Variants in TUT1 observed in about 807,000 individuals in gnomAD.
TUT1 encodes the protein terminal uridylyl transferase 1, U6 snRNA-specific, also known as speckle targeted PIP5K1A-regulated poly(A) polymerase.
In TUT1, 26 loss-of-function variants were observed where a neutral mutation model predicts 48.8. That is an observed-to-expected ratio of 0.53 (90% CI 0.39 to 0.74). The LOEUF is 0.74. Among genes scored for constraint, TUT1 ranks in the 30% least tolerant of loss-of-function variants. TUT1 has a pLI of 0.00. For synonymous variants in TUT1, 470 were observed against 460.8 expected (o/e 1.02, Z -0.26); for missense variants, 1,065 against 1,114.8 (o/e 0.96, Z 0.64).
intron 8 of TUT1, 42 bp downstream of exon 8, chr11:62,576,615 T>C: frequency 6.5e-7 from 1 of 1,542,780 alleles, no homozygotes. Context: ...CTACTGTTGA[T>C]GAACATCATT....
Position 62,588,939 on chromosome 11 carries a change from C to G in TUT1, c.273+92G>C, listed in dbSNP as rs1262529295. ...AAACTCCTAACCTCAGGTAATCCGC[C>G]TGCCTCAGCCTCCCAAAGTGATGGG... On this transcript the variant is annotated intron_variant, in intron 2 of 8. Transcript: ENST00000476907. 10 of 1,250,530 alleles carry G rather than the reference C, an allele frequency of 8.0e-6. No individual in the cohort carries two copies. In the East Asian group the frequency reaches 2.2e-4, roughly 27 times the overall value. The allele number at this position is 1,250,530 out of a possible 1,614,324, so 77.5% of individuals were successfully genotyped here.
chr11:62,580,030 T>C (rs1455898537), intron 4 of TUT1, among the ~76,000 whole-genome samples: 1 of 151,948 alleles, frequency 6.6e-6, no homozygotes, highest in African/African-American at 2.4e-5. Context: ...ATCCCAACAA[T>C]TTGGGAGAAT....
chr11:62,581,340 A>G, intron 3 of TUT1, 46 bp downstream of exon 3: 3 of 1,569,968 alleles, frequency 1.9e-6, no homozygotes, highest in Non-Finnish European at 2.6e-6. Context: ...GACACAGGAG[A>G]GCAAAGGCCA....
At chr11:62,578,045 G>C (rs1391971126) in intron 5 of TUT1, among the ~76,000 whole-genome samples, 1 of 130,188 alleles carries the variant, frequency 7.7e-6, no homozygotes, top group East Asian at 2.1e-4. Flanking sequence ...TGGGCAACAA[G>C]AGTAAATCTC....
At chr11:62,591,285 G>C (rs1347875710) in intron 1 of TUT1, 119 bp downstream of exon 1, 7 of 1,410,158 alleles carry the variant, frequency 5.0e-6, no homozygotes, top group Non-Finnish European at 6.4e-6. Context: ...AAACGGAGGT[G>C]AGAGACCCTA....
chr11:62,586,538 C>T (rs1474540531), intron 2 of TUT1, among the ~76,000 whole-genome samples: 1 of 152,066 alleles, frequency 6.6e-6, no homozygotes, highest in East Asian at 1.9e-4. Flanking sequence ...CAGCAGTTTG[C>T]GTGGCTGAGG....
Position 62,576,070 on chromosome 11 carries a change from T to C in TUT1, c.1649A>G (p.Asn550Ser), listed in dbSNP as rs1385225102. The C allele has an allele frequency of 3.1e-6, 5 of 1,613,740 alleles. No homozygotes were observed. The highest frequency in any genetic ancestry group is 1.3e-5 in the African/African-American group (1 of 74,932). Reference protein sequence around the residue: ...NLQDPFDLSHNVAANVTSRVA... With the variant: ...NLQDPFDLSHSVAANVTSRVA... Reference sequence around the variant, plus strand: ...CCGGCTGGTCACATTGGCTGCGACATTGTGACTCAGGTCAAAAGGGTCCTG... The same window carrying C: ...CCGGCTGGTCACATTGGCTGCGACACTGTGACTCAGGTCAAAAGGGTCCTG... The change falls in exon 9 of 9, where the codon AAT (asparagine) becomes AGT (serine). Residue 550 changes from asparagine to serine, a missense_variant. By Grantham distance (46) the Asn-to-Ser change is conservative (BLOSUM62 1). Transcript: ENST00000476907.
chr11:62,576,789 G>A (rs752828495), intron 7 of TUT1, 40 bp from the exon 8 acceptor site: 2 of 1,608,030 alleles, frequency 1.2e-6, no homozygotes, highest in Non-Finnish European at 1.7e-6. Flanking sequence ...CTGGAAGCAA[G>A]GAGATTGAGG....
chr11:62,586,539 G>A (rs891108535), intron 2 of TUT1, among the ~76,000 whole-genome samples: 15 of 152,180 alleles, frequency 9.9e-5, no homozygotes, highest in African/African-American at 2.7e-4. Context: ...AGCAGTTTGC[G>A]TGGCTGAGGT....
In TUT1 at chr11:62,591,457, G is replaced by A; in HGVS notation, c.29C>T (p.Ser10Leu). 2 of 1,611,108 alleles carry A rather than the reference G, an allele frequency of 1.2e-6. No homozygotes were observed. The highest frequency in any genetic ancestry group is 1.7e-6 in the Non-Finnish European group (2 of 1,178,702). MAAVDSDVE[S>L]LPRGGFRCCL... ...GCAGCGGAACCCCCCACGCGGCAGCGATTCGACATCCGAATCCACCGCCGC... is the reference window on the plus strand; with the variant it reads ...GCAGCGGAACCCCCCACGCGGCAGCAATTCGACATCCGAATCCACCGCCGC... The change falls in exon 1 of 9, where the codon TCG (serine) becomes TTG (leucine). Residue 10 changes from serine to leucine, a missense_variant. Ser to Leu is a moderately radical substitution (Grantham distance 145, BLOSUM62 -2). Coordinates refer to ENST00000476907, the MANE Select transcript of TUT1 (RefSeq NM_022830.3).
rs2134303529 is a variant in TUT1 at position 62,576,931 on chromosome 11, CAG to C, written c.1355_1356del (p.Thr452SerfsTer77). 1 of 1,614,050 alleles carries C rather than the reference CAG, an allele frequency of 6.2e-7. No individual in the cohort carries two copies. Among genetic ancestry groups the C allele is most frequent in the Admixed American group, 1.7e-5 (1 of 59,990 alleles). On this transcript the variant is annotated frameshift_variant, in exon 7 of 9. Coordinates refer to ENST00000476907, the MANE Select transcript of TUT1 (RefSeq NM_022830.3). LOFTEE classifies it high-confidence loss of function. ...LQTRDPPVLP[T>X]VSQLTQKAGE... is the part of the protein sequence containing the mutation. ...CCTGCTTTCTGGGTGAGCTGGGACA[CAG>C]TGGGCAACACAGGAGGGTCCCTGGT...
At position 62,575,981 on chromosome 11, in the gene TUT1, G is replaced by A. The variant is rs1941720371; in HGVS notation, c.1738C>T (p.Gln580Ter). 1.9e-6 allele frequency: 3 copies of A among 1,613,958 alleles called. No homozygotes were observed. The highest frequency in any genetic ancestry group is 2.5e-6 in the Non-Finnish European group (3 of 1,180,036). ...AANYCRSLQY[Q>*]RRSSRGRDWG... The stretch of plus-strand genomic sequence containing the variant: ...TCCCGACCCCGGGAGGAACGGCGCT[G>A]GTACTGGAGGCTTCGGCAGTAATTG... Residue 580 changes from glutamine (Q) to a stop codon, truncating the protein, a stop_gained, in exon 9 of 9, where the codon CAG becomes TAG. Transcript: ENST00000476907. LOFTEE classifies it low-confidence loss of function (END_TRUNC).
intron 1 of TUT1, among the ~76,000 whole-genome samples, chr11:62,591,112 C>T (rs1942005019): frequency 6.6e-6 from 1 of 151,992 alleles, no homozygotes; most frequent in Non-Finnish European, 1.5e-5. Flanking sequence ...CCTCCCCCAC[C>T]CTAAAGATCA....
intron 8 of TUT1, 160 bp from the exon 9 acceptor site, chr11:62,576,404 T>A: frequency 1.1e-6 from 1 of 938,038 alleles, no homozygotes; most frequent in Non-Finnish European, 1.5e-6. Context: ...AAACAAGAGG[T>A]CAAACCTCTC....
chr11:62,579,491 A>G (rs1328477456), intron 4 of TUT1, among the ~76,000 whole-genome samples: 1 of 152,150 alleles, frequency 6.6e-6, no homozygotes, highest in African/African-American at 2.4e-5. Context: ...GATACATGCA[A>G]CCTTCTCTCA....
intron 2 of TUT1, among the ~76,000 whole-genome samples, chr11:62,586,788 C>T (rs899865282): frequency 6.6e-6 from 1 of 150,826 alleles, no homozygotes; most frequent in Non-Finnish European, 1.5e-5. Context: ...TGGTGGCACG[C>T]GCCTGCAGTC....
At position 62,589,158 on chromosome 11, in the gene TUT1, G is replaced by C; in HGVS notation, c.146C>G (p.Ala49Gly). Residue 49 changes from alanine (A) to glycine (G), a missense_variant, in exon 2 of 9, where the codon GCG (alanine) becomes GGG (glycine). Physicochemically the swap from Ala to Gly is moderately conservative, Grantham distance 60 (BLOSUM62 0). Coordinates refer to ENST00000476907, the MANE Select transcript of TUT1 (RefSeq NM_022830.3). ...ACTTCGAAGTCCCTGGGCCTTTCTC[G>C]CAGCTCGTAGTTCTACCAGGTGCCG... ...KHRHLVELRA[A>G]RKAQGLRSVF... The C allele has an allele frequency of 6.2e-7, 1 of 1,614,212 alleles. No homozygotes were observed. Among genetic ancestry groups the C allele is most frequent in the Non-Finnish European group, 8.5e-7 (1 of 1,180,034 alleles).
chr11:62,576,295 T>G (rs772604097), intron 8 of TUT1, 51 bp from the exon 9 acceptor site: 4 of 1,471,552 alleles, frequency 2.7e-6, no homozygotes, highest in Non-Finnish European at 3.6e-6. Context: ...AGGCCAGAAC[T>G]GATACAGGTC....
Position 62,584,346 on chromosome 11 carries a change from T to C in TUT1, c.274-2645A>G, listed in dbSNP as rs1369850630. Among the ~76,000 whole-genome samples, 4 of 152,078 alleles carry C rather than the reference T, an allele frequency of 2.6e-5. No homozygotes were observed. In the South Asian group the frequency reaches 8.3e-4, roughly 31 times the overall value. On this transcript the variant is annotated intron_variant, in intron 2 of 8. Coordinates refer to ENST00000476907, the MANE Select transcript of TUT1 (RefSeq NM_022830.3). ...TTTCACCACATTAGCCAGGCTGGTC[T>C]CAAACTCCTGATCTCAAGTGATCCT...
Sources: gnomAD v4.1 joint callset for allele counts (sites outside exome capture counted in the v4.1 genomes callset) on GRCh38, gnomAD v4.1.1 for gene constraint, MANE v1.5 for transcripts, NCBI Gene and HGNC (gene_info 2026-07-23, HGNC 2026-07-21) for gene names.